Variants in MTHFD2L observed in about 807,000 individuals in gnomAD.
The protein encoded by MTHFD2L is methylenetetrahydrofolate dehydrogenase (NADP+ dependent) 2 like.
Under a neutral mutation model 34.9 loss-of-function variants are expected in MTHFD2L, and 29 were observed. The ratio of observed to expected loss-of-function variants is 0.83; its 90% CI spans 0.62 to 1.13. The LOEUF (loss-of-function observed/expected upper bound fraction) is 1.13, where lower values mean the gene tolerates loss of function less well. Among genes scored for constraint, MTHFD2L ranks in the 50% most tolerant of loss-of-function variants. The pLI is 0.00. For synonymous variants in MTHFD2L, 167 were observed against 155.7 expected, an observed-to-expected ratio of 1.07 and a Z score of -0.54; for missense variants, 481 against 446.5, an observed-to-expected ratio of 1.08 and a Z score of -0.70.
chr4:74,261,304 C>T (rs1009455110), intron 6 of MTHFD2L, among the ~76,000 whole-genome samples: 2 of 151,500 alleles, frequency 1.3e-5, no homozygotes, highest in African/African-American at 2.4e-5. Context: ...ACAATAACAA[C>T]GTAAATGTAG....
At chr4:74,300,951 G>T (rs1187996042) in intron 7 of MTHFD2L, among the ~76,000 whole-genome samples, 1 of 152,044 alleles carries the variant, frequency 6.6e-6, no homozygotes, top group Non-Finnish European at 1.5e-5. Context: ...TCACCTTTGT[G>T]ATCTCATGGC....
At position 74,204,142 on chromosome 4, in the gene MTHFD2L, TAA is replaced by T. The variant is rs1469209217; in HGVS notation, c.712+2773_712+2774del. 5.3e-5 allele frequency among the ~76,000 whole-genome samples: 8 copies of T among 152,260 alleles called. No individual in the cohort carries two copies. The East Asian group carries it at 1.2e-3, about 22-fold the overall frequency. On this transcript the variant is annotated intron_variant, in intron 5 of 7. Coordinates refer to ENST00000325278, the MANE Select transcript of MTHFD2L (RefSeq NM_001144978.3). The stretch of plus-strand genomic sequence containing the variant: ...GGGAGCTGGGTTCTGACTTTGTGGT[TAA>T]GAGGATAGACATGGAGTCAGGCCCC...
chr4:74,158,214 G>A lies in MTHFD2L; in HGVS notation c.76G>A (p.Ala26Thr), dbSNP rs1232150104. ...AGCGCCGGCGTTGGGCAGAAGCACAGCACCCTCCGTAAGGGCACCGGGAGA... is the reference window on the plus strand; with the variant it reads ...AGCGCCGGCGTTGGGCAGAAGCACAACACCCTCCGTAAGGGCACCGGGAGA... ...GRAPALGRST[A>T]PSVRAPGEPG... Residue 26 changes from alanine to threonine, a missense_variant, in exon 1 of 8, where the codon GCA becomes ACA. Coordinates refer to ENST00000325278, the MANE Select transcript of MTHFD2L (RefSeq NM_001144978.3). The A allele has an allele frequency of 6.6e-7, 1 of 1,516,808 alleles. No individual in the cohort carries two copies. The highest frequency in any genetic ancestry group is 1.4e-5 in the African/African-American group (1 of 72,076). The allele number at this position is 1,516,808 out of a possible 1,614,324, so 94.0% of individuals were successfully genotyped here.
At chr4:74,115,537 G>A (rs765150887) in intron 2 of MTHFD2L, among the ~76,000 whole-genome samples, 3 of 152,234 alleles carry the variant, frequency 2.0e-5, no homozygotes, top group African/African-American at 7.2e-5. Flanking sequence ...GAATTAGCGC[G>A]GATGGTTCTT....
At chr4:74,117,491 G>A (rs1405416908) in intron 2 of MTHFD2L, among the ~76,000 whole-genome samples, 1 of 152,140 alleles carries the variant, frequency 6.6e-6, no homozygotes, top group African/African-American at 2.4e-5. Context: ...ACAGGGAGGT[G>A]GAGGGTGAAA....
At chr4:74,240,088 A>G (rs1401127907) in intron 6 of MTHFD2L, among the ~76,000 whole-genome samples, 1 of 152,162 alleles carries the variant, frequency 6.6e-6, no homozygotes, top group Non-Finnish European at 1.5e-5. Context: ...CTTCTCTTGA[A>G]TAAAAAAACA....
At chr4:74,207,795 G>GTTTTT (rs1735612936) in intron 5 of MTHFD2L, among the ~76,000 whole-genome samples, 1 of 113,282 alleles carries the variant, frequency 8.8e-6, no homozygotes, top group African/African-American at 4.3e-5. Flanking sequence ...CAGCCTGGAA[G>GTTTTT]TTTTATCTCC....
rs151131582 is a variant in MTHFD2L at position 74,180,935 on chromosome 4, T to A, written c.451+5532T>A. ...CTAAGTAGGCATTTTATTTTATTTT[T>A]TTTTAGCTTTTATTGAGTTATCTGT... On this transcript the variant is annotated intron_variant, in intron 3 of 7. Coordinates refer to ENST00000325278, the MANE Select transcript of MTHFD2L (RefSeq NM_001144978.3). 6 of 180,096 alleles carry A rather than the reference T, an allele frequency of 3.3e-5. No homozygotes were observed. In the East Asian group the frequency reaches 7.9e-4, roughly 24 times the overall value. 11.2% of individuals were successfully genotyped at this position (180,096 alleles called of 1,614,324 possible).
intron 6 of MTHFD2L, among the ~76,000 whole-genome samples, chr4:74,251,221 T>C (rs1743264884): frequency 6.6e-6 from 1 of 152,240 alleles, no homozygotes; most frequent in African/African-American, 2.4e-5. Flanking sequence ...CATTCAGTCA[T>C]GGTTTTTTAC....
upstream of MTHFD2L, among the ~76,000 whole-genome samples, chr4:74,120,648 G>A (rs569889225): frequency 6.6e-6 from 1 of 152,322 alleles, no homozygotes; most frequent in African/African-American, 2.4e-5. Context: ...ACAATGTTTT[G>A]CAAGGTGTGA....
chr4:74,157,238 CTA>C (rs1216862984), upstream of MTHFD2L: 2 of 192,550 alleles, frequency 1.0e-5, no homozygotes, highest in Non-Finnish European at 2.2e-5. Flanking sequence ...TTCTGACAGT[CTA>C]TGATTTTAAA....
At chr4:74,222,694 A>G (rs1738419386) in intron 5 of MTHFD2L, among the ~76,000 whole-genome samples, 1 of 152,042 alleles carries the variant, frequency 6.6e-6, no homozygotes, top group South Asian at 2.1e-4. Flanking sequence ...CCTCAGACAT[A>G]CTTTGATTAA....
At chr4:74,280,618 G>C (rs1747318296) in intron 6 of MTHFD2L, among the ~76,000 whole-genome samples, 1 of 142,252 alleles carries the variant, frequency 7.0e-6, no homozygotes, top group Admixed American at 7.2e-5. Flanking sequence ...ATTTGTGATT[G>C]GATTGTTCAA....
chr4:74,219,200 C>T (rs1014673216), intron 5 of MTHFD2L, among the ~76,000 whole-genome samples: 4 of 152,050 alleles, frequency 2.6e-5, no homozygotes, highest in African/African-American at 9.7e-5. Flanking sequence ...GGAACCAGTC[C>T]CTCCCAGATA....
intron 6 of MTHFD2L, among the ~76,000 whole-genome samples, chr4:74,255,998 T>C (rs909190772): frequency 6.6e-6 from 1 of 152,222 alleles, no homozygotes; most frequent in Non-Finnish European, 1.5e-5. Context: ...TTTGTTTCCT[T>C]TTGGATAATA....
At chr4:74,138,316 G>T (rs909531668) in intron 1 of MTHFD2L, among the ~76,000 whole-genome samples, 11 of 151,990 alleles carry the variant, frequency 7.2e-5, no homozygotes, top group African/African-American at 2.7e-4. Context: ...GGTCTTTGTT[G>T]TTAGAGCTCC....
chr4:74,154,132 T>C (rs372218166), upstream of MTHFD2L, among the ~76,000 whole-genome samples: 21 of 152,302 alleles, frequency 1.4e-4, no homozygotes, highest in African/African-American at 5.0e-4. Context: ...GATTTAATTG[T>C]TTTTCTCACG....
intron 7 of MTHFD2L, among the ~76,000 whole-genome samples, chr4:74,285,594 A>G (rs1360631866): frequency 6.6e-6 from 1 of 152,106 alleles, no homozygotes; most frequent in Non-Finnish European, 1.5e-5. Context: ...ATTATCAGTA[A>G]TATTAATTTT....
chr4:74,186,084 T>G (rs1731180999), intron 3 of MTHFD2L, among the ~76,000 whole-genome samples: 1 of 152,072 alleles, frequency 6.6e-6, no homozygotes, highest in Non-Finnish European at 1.5e-5. Flanking sequence ...ATTAGAACAG[T>G]AAACAATGTA....
Sources: allele counts gnomAD v4.1 joint callset (sites outside exome capture counted in the v4.1 genomes callset), GRCh38; gene constraint gnomAD v4.1.1; transcripts MANE v1.5; gene names NCBI Gene and HGNC (gene_info 2026-07-23, HGNC 2026-07-21).